Variants in BMP2K observed in about 807,000 individuals in gnomAD.
BMP2K encodes BMP2 inducible kinase.
BMP2K carries 74 observed loss-of-function variants against 116.0 expected under a neutral mutation model. The ratio of observed to expected loss-of-function variants is 0.64; its 90% confidence interval spans 0.53 to 0.77. The LOEUF (loss-of-function observed/expected upper bound fraction) is 0.77. Among genes scored for constraint, BMP2K ranks in the 30% least tolerant of loss-of-function variants. The probability of loss-of-function intolerance (pLI) is 0.00; values close to 1 mark genes in which losing one functional copy is unlikely to be tolerated. For synonymous variants in BMP2K, 486 were observed against 502.5 expected, an observed-to-expected ratio of 0.97 and a Z score of 0.44; for missense variants, 1,365 against 1,403.6, an observed-to-expected ratio of 0.97 and a Z score of 0.44.
intron 3 of BMP2K, among the ~76,000 whole-genome samples, chr4:78,836,032 T>G (rs572650435): frequency 6.6e-6 from 1 of 152,304 alleles, no homozygotes; most frequent in South Asian, 2.1e-4. Context: ...TCTTATCCTT[T>G]TTTTTTCCTG....
chr4:78,830,012 C>G (rs1008772823), intron 2 of BMP2K, among the ~76,000 whole-genome samples: 1 of 151,828 alleles, frequency 6.6e-6, no homozygotes. Flanking sequence ...GGAGCTGGGA[C>G]TATAGGCAGG....
chr4:78,821,941 T>C lies in BMP2K; in HGVS notation c.179-4096T>C, dbSNP rs141477760. ...ATTAAAGCATGGAAATGACAAAGCA[T>C]GGAAAAATAATTGCTTAATAGAAGG... On this transcript the variant is annotated intron_variant, in intron 1 of 15. Coordinates refer to ENST00000502613, the MANE Select transcript of BMP2K (RefSeq NM_198892.2). Among the ~76,000 whole-genome samples, 36 of 152,326 alleles carry C rather than the reference T, an allele frequency of 2.4e-4. No individual in the cohort carries two copies. In the East Asian group the frequency reaches 5.4e-3, roughly 23 times the overall value.
intron 1 of BMP2K, among the ~76,000 whole-genome samples, chr4:78,789,107 T>C (rs943680645): frequency 6.6e-6 from 1 of 152,104 alleles, no homozygotes; most frequent in Admixed American, 6.6e-5. Flanking sequence ...TTATATTAAC[T>C]GTAATTGGTA....
At chr4:78,817,276 C>T (rs963775595) in intron 1 of BMP2K, among the ~76,000 whole-genome samples, 1 of 152,200 alleles carries the variant, frequency 6.6e-6, no homozygotes, top group Non-Finnish European at 1.5e-5. Context: ...AGCACAGACT[C>T]CACAGGTTAA....
chr4:78,782,830 A>G (rs895897509), intron 1 of BMP2K, among the ~76,000 whole-genome samples: 7 of 152,186 alleles, frequency 4.6e-5, no homozygotes, highest in Admixed American at 6.6e-5. Flanking sequence ...TGGGGGTAGA[A>G]CCAAGGTCTA....
intron 1 of BMP2K, among the ~76,000 whole-genome samples, chr4:78,782,123 C>T (rs1037566083): frequency 5.9e-5 from 9 of 152,166 alleles, no homozygotes; most frequent in Admixed American, 2.0e-4. Context: ...CCTGTTGGTC[C>T]GTGACTGAAT....
intron 1 of BMP2K, among the ~76,000 whole-genome samples, chr4:78,812,234 A>G (rs1385408014): frequency 6.6e-6 from 1 of 152,130 alleles, no homozygotes; most frequent in East Asian, 1.9e-4. Flanking sequence ...CTCCCAAAGT[A>G]TTAGGACTAC....
chr4:78,894,415 C>T (rs1733595461), intron 15 of BMP2K, among the ~76,000 whole-genome samples: 1 of 152,174 alleles, frequency 6.6e-6, no homozygotes, highest in South Asian at 2.1e-4. Flanking sequence ...ACACTTCCTG[C>T]GTTACCTGTA....
chr4:78,911,409 T>A lies in BMP2K; in HGVS notation c.2862T>A (p.Phe954Leu), dbSNP rs1388151570. ...TSKSESNEDL[F>L]GLVPFDEITG... ...AAAGTGAAAGCAATGAGGACCTTTT[T>A]GGGCTTGTGCCCTTTGATGAAATAA... Residue 954 changes from phenylalanine to leucine, a missense_variant, in exon 16 of 16, where the codon TTT becomes TTA. Coordinates refer to ENST00000502613, the MANE Select transcript of BMP2K (RefSeq NM_198892.2). 1 of 1,614,046 alleles carries A rather than the reference T, an allele frequency of 6.2e-7. No individual in the cohort carries two copies. The highest frequency in any genetic ancestry group is 1.1e-5 in the South Asian group (1 of 91,090).
At chr4:78,862,020 T>C (rs920590646) in intron 9 of BMP2K, among the ~76,000 whole-genome samples, 1 of 151,910 alleles carries the variant, frequency 6.6e-6, no homozygotes, top group Non-Finnish European at 1.5e-5. Context: ...ATGATTGATT[T>C]TTCCCCCCCT....
intron 15 of BMP2K, among the ~76,000 whole-genome samples, chr4:78,901,022 T>C (rs1338637590): frequency 6.6e-6 from 1 of 152,106 alleles, no homozygotes; most frequent in Non-Finnish European, 1.5e-5. Flanking sequence ...AGATTAACCA[T>C]TTGATATTGA....
intron 15 of BMP2K, among the ~76,000 whole-genome samples, chr4:78,888,667 T>C (rs2110077061): frequency 6.6e-6 from 1 of 152,350 alleles, no homozygotes; most frequent in African/African-American, 2.4e-5. Flanking sequence ...ATTTGGAGGT[T>C]GGCCTAAAGA....
At chr4:78,910,582 C>T (rs17003500) in intron 15 of BMP2K, 28 bp from the exon 16 acceptor site, 77,367 of 1,450,372 alleles carry the variant, frequency 0.053, 3,174 homozygotes, top group East Asian at 0.23. Context: ...CATTGGAATG[C>T]TGTAATAATA....
intron 1 of BMP2K, among the ~76,000 whole-genome samples, chr4:78,821,374 A>G (rs1729608817): frequency 6.6e-6 from 1 of 151,714 alleles, no homozygotes; most frequent in Non-Finnish European, 1.5e-5. Context: ...CCAGTTTCCC[A>G]GAAAAAAAAC....
intron 1 of BMP2K, among the ~76,000 whole-genome samples, chr4:78,794,788 C>T (rs1728173534): frequency 6.6e-6 from 1 of 152,102 alleles, no homozygotes; most frequent in African/African-American, 2.4e-5. Context: ...GTCTTGAACC[C>T]CTGGGCTCAA....
chr4:78,777,690 A>T (rs368913888), intron 1 of BMP2K, among the ~76,000 whole-genome samples: 5 of 152,258 alleles, frequency 3.3e-5, no homozygotes, highest in African/African-American at 1.2e-4. Flanking sequence ...TGGTTAAGAT[A>T]AAAAAAATCG....
chr4:78,806,292 C>T (rs6855799), intron 1 of BMP2K, among the ~76,000 whole-genome samples: 6,189 of 152,130 alleles, frequency 0.041, 424 homozygotes, highest in African/African-American at 0.14. Context: ...CCTCCAGCCT[C>T]AGCCTTCTAA....
chr4:78,799,298 C>G (rs1022404923), intron 1 of BMP2K, among the ~76,000 whole-genome samples: 11 of 151,988 alleles, frequency 7.2e-5, no homozygotes, highest in African/African-American at 2.4e-4. Flanking sequence ...TCTGTAGACC[C>G]TTTCCCCAGA....
chr4:78,809,092 T>C (rs1324940767), intron 1 of BMP2K, among the ~76,000 whole-genome samples: 1 of 152,232 alleles, frequency 6.6e-6, no homozygotes, highest in Non-Finnish European at 1.5e-5. Flanking sequence ...GTTTCTCTCC[T>C]CAATTCTGTC....
Sources: allele counts gnomAD v4.1 joint callset (sites outside exome capture counted in the v4.1 genomes callset), GRCh38; gene constraint gnomAD v4.1.1; transcripts MANE v1.5; gene names NCBI Gene and HGNC (gene_info 2026-07-23, HGNC 2026-07-21).